Variants in RAP1GAP2 observed in about 807,000 individuals in gnomAD.
RAP1GAP2 encodes the protein RAP1 GTPase activating protein 2.
A neutral mutation model predicts 95.0 loss-of-function variants in RAP1GAP2; 27 were observed. That is an observed-to-expected ratio of 0.28 (90% confidence interval 0.21 to 0.39). The LOEUF (loss-of-function observed/expected upper bound fraction) is 0.39, where lower values mean the gene tolerates loss of function less well. Among genes scored for constraint, RAP1GAP2 ranks in the 10% least tolerant of loss-of-function variants. The pLI is 1.00. For missense variants in RAP1GAP2, 771 were observed against 970.0 expected, an observed-to-expected ratio of 0.79 and a Z score of 2.72; for synonymous variants, 373 against 380.9, an observed-to-expected ratio of 0.98 and a Z score of 0.24.
At chr17:2,873,305 C>CAA (rs377575894) in intron 2 of RAP1GAP2, among the ~76,000 whole-genome samples, 1,133 of 95,536 alleles carry the variant, frequency 0.012, 18 homozygotes, top group African/African-American at 0.043. Flanking sequence ...ACCAAAAATA[C>CAA]AAAAAAAAAA....
chr17:2,998,463 C>T, intron 14 of RAP1GAP2, 87 bp downstream of exon 14: 1 of 1,456,686 alleles, frequency 6.9e-7, no homozygotes, highest in Non-Finnish European at 9.4e-7. Flanking sequence ...CACTAGTCCT[C>T]AGCAGTCAGA....
chr17:3,037,104 ACT>A lies in RAP1GAP2; in HGVS notation c.*3746_*3747del, dbSNP rs2047485276. ...GCTGGCTGGGGTATTCTTTTACCAA[ACT>A]CTGTTTTACCGCCAGCCCCTTGTAC... On this transcript the variant is annotated 3_prime_UTR_variant, in exon 25 of 25. Coordinates refer to ENST00000254695, the MANE Select transcript of RAP1GAP2 (RefSeq NM_015085.5). 6.6e-6 allele frequency: 1 copy of A among 152,210 alleles called. No individual in the cohort carries two copies. Among genetic ancestry groups the A allele is most frequent in the Non-Finnish European group, 1.5e-5 (1 of 67,998 alleles). The allele number at this position is 152,210 out of a possible 1,614,324, so 9.4% of individuals were successfully genotyped here. A position where few individuals can be genotyped will look rare whatever the true frequency, so the allele number is the denominator to read the frequency against.
At chr17:2,837,399 C>A (rs1004144734) in intron 2 of RAP1GAP2, among the ~76,000 whole-genome samples, 1 of 151,990 alleles carries the variant, frequency 6.6e-6, no homozygotes, top group Non-Finnish European at 1.5e-5. Context: ...GAGTGCTCCC[C>A]AGGGGAGCAT....
At chr17:2,822,034 C>T (rs967842097) in intron 2 of RAP1GAP2, among the ~76,000 whole-genome samples, 5 of 152,128 alleles carry the variant, frequency 3.3e-5, no homozygotes, top group African/African-American at 1.2e-4. Flanking sequence ...GAGGAGGCGG[C>T]AAGCTGGTGT....
chr17:2,786,920 T>G (rs178582), intron 1 of RAP1GAP2, among the ~76,000 whole-genome samples: 88,808 of 145,618 alleles, frequency 0.61, 27,775 homozygotes, highest in Non-Finnish European at 0.67. Context: ...CTGCTGGGAT[T>G]ACAGGCGTGA....
intron 9 of RAP1GAP2, among the ~76,000 whole-genome samples, chr17:2,980,592 G>C (rs187213394): frequency 6.6e-6 from 1 of 152,200 alleles, no homozygotes; most frequent in African/African-American, 2.4e-5. Flanking sequence ...AGGCTGCTTA[G>C]GAACAGTATC....
At chr17:2,961,549 G>A (rs2044326360) in intron 4 of RAP1GAP2, among the ~76,000 whole-genome samples, 1 of 152,190 alleles carries the variant, frequency 6.6e-6, no homozygotes, top group Admixed American at 6.5e-5. Context: ...AAAACTGTTG[G>A]ACAGGGCACT....
chr17:2,881,806 G>C (rs2073304368), intron 2 of RAP1GAP2, among the ~76,000 whole-genome samples: 1 of 152,008 alleles, frequency 6.6e-6, no homozygotes, highest in Admixed American at 6.6e-5. Context: ...ATCCTAGTGG[G>C]TGTGATCTGC....
chr17:2,907,458 CA>C, intron 3 of RAP1GAP2, among the ~76,000 whole-genome samples: 1 of 151,070 alleles, frequency 6.6e-6, no homozygotes, highest in Middle Eastern at 3.4e-3. Context: ...GCTAGGGAGC[CA>C]AAAATGGAAA....
Position 2,832,369 on chromosome 17 carries a change from TA to T in RAP1GAP2, c.80+31823del, listed in dbSNP as rs2070908812. On this transcript the variant is annotated intron_variant, in intron 2 of 24. Transcript: ENST00000254695. ...GTCAGGAGATCGAGATCATCCTGGC[TA>T]AAACGGTGAAACCCCATCTCTACTA... Among the ~76,000 whole-genome samples, 4 of 150,300 alleles carry T rather than the reference TA, an allele frequency of 2.7e-5. No homozygotes were observed. The South Asian group carries it at 8.5e-4, about 32-fold the overall frequency.
At chr17:2,764,268 C>T (rs1200420891) in intron 1 of RAP1GAP2, among the ~76,000 whole-genome samples, 2 of 149,750 alleles carry the variant, frequency 1.3e-5, no homozygotes, top group Non-Finnish European at 2.9e-5. Flanking sequence ...CCTGTCTGTA[C>T]TAAAAATACA....
chr17:3,006,649 G>A (rs1442425440), intron 16 of RAP1GAP2, among the ~76,000 whole-genome samples: 1 of 150,320 alleles, frequency 6.7e-6, no homozygotes, highest in Non-Finnish European at 1.5e-5. Context: ...TAGCCAGGAT[G>A]GTCTTGATCT....
At chr17:3,012,630 A>C (rs1373828389) in intron 17 of RAP1GAP2, among the ~76,000 whole-genome samples, 22 of 126,492 alleles carry the variant, frequency 1.7e-4, no homozygotes, top group Admixed American at 4.1e-4. Flanking sequence ...AAAAAAAAAA[A>C]ACAAACCTAA....
intron 14 of RAP1GAP2, among the ~76,000 whole-genome samples, chr17:3,002,484 G>A (rs1438147695): frequency 1.3e-5 from 2 of 152,152 alleles, no homozygotes; most frequent in Admixed American, 6.5e-5. Flanking sequence ...CCACACTCCC[G>A]GCAGCACCCC....
intron 12 of RAP1GAP2, 63 bp downstream of exon 12, chr17:2,991,460 C>A: frequency 7.8e-7 from 1 of 1,278,304 alleles, no homozygotes; most frequent in Non-Finnish European, 1.1e-6. Flanking sequence ...AAGGGCAAGA[C>A]AGCTCAGTCC....
At chr17:2,882,119 C>CTTT (rs1182195871) in intron 2 of RAP1GAP2, among the ~76,000 whole-genome samples, 3,752 of 131,712 alleles carry the variant, frequency 0.028, 89 homozygotes, top group Middle Eastern at 0.039. Context: ...TGTGCCTGGC[C>CTTT]TTTTTTTTTT....
chr17:2,860,850 C>T (rs971580064), intron 2 of RAP1GAP2, among the ~76,000 whole-genome samples: 7 of 152,042 alleles, frequency 4.6e-5, no homozygotes, highest in Non-Finnish European at 8.8e-5. Flanking sequence ...AAGTGATCCT[C>T]CTACCTCAGT....
intron 1 of RAP1GAP2, among the ~76,000 whole-genome samples, chr17:2,759,611 C>T (rs1174135685): frequency 2.6e-5 from 4 of 152,078 alleles, no homozygotes; most frequent in Admixed American, 6.6e-5. Flanking sequence ...CCACCATACC[C>T]GGCTAATTTT....
intron 2 of RAP1GAP2, among the ~76,000 whole-genome samples, chr17:2,849,720 TG>T (rs2071745869): frequency 6.6e-6 from 1 of 152,198 alleles, no homozygotes; most frequent in Non-Finnish European, 1.5e-5. Flanking sequence ...GAACAGGCCA[TG>T]GAGGTCCTGA....
Sources: allele counts gnomAD v4.1 joint callset (sites outside exome capture counted in the v4.1 genomes callset), GRCh38; gene constraint gnomAD v4.1.1; transcripts MANE v1.5; gene names NCBI Gene and HGNC (gene_info 2026-07-23, HGNC 2026-07-21).